Variants in GALNTL6 observed in about 807,000 individuals in gnomAD.
GALNTL6 encodes polypeptide N-acetylgalactosaminyltransferase like 6.
Under a neutral mutation model 73.7 loss-of-function variants are expected in GALNTL6, and 46 were observed. The observed-to-expected ratio is 0.62, with a 90% CI of 0.49 to 0.80. The LOEUF is 0.80. Among genes scored for constraint, GALNTL6 ranks in the 30% least tolerant of loss-of-function variants. The pLI, the probability that GALNTL6 is intolerant of heterozygous loss-of-function variation, is 0.00. For synonymous variants in GALNTL6, 259 were observed against 263.7 expected (o/e 0.98, Z 0.17); for missense variants, 604 against 755.0 (o/e 0.80, Z 2.34).
At chr4:172,327,404 T>C (rs945659585) in intron 4 of GALNTL6, among the ~76,000 whole-genome samples, 2 of 152,142 alleles carry the variant, frequency 1.3e-5, no homozygotes, top group African/African-American at 4.8e-5. Flanking sequence ...TGTAGAGGTC[T>C]ATCAAATCCA....
chr4:172,131,789 G>C (rs187339029), intron 2 of GALNTL6, among the ~76,000 whole-genome samples: 75 of 151,664 alleles, frequency 4.9e-4, no homozygotes, highest in African/African-American at 1.8e-3. Flanking sequence ...CTTCTCCAGG[G>C]CACTGACTTA....
chr4:172,180,962 G>T (rs1160062060), intron 2 of GALNTL6, among the ~76,000 whole-genome samples: 1 of 152,140 alleles, frequency 6.6e-6, no homozygotes, highest in Non-Finnish European at 1.5e-5. Flanking sequence ...GGTTCCGTTA[G>T]AAATTTAAAG....
chr4:172,057,676 A>C (rs971346322), intron 2 of GALNTL6, among the ~76,000 whole-genome samples: 7 of 140,456 alleles, frequency 5.0e-5, no homozygotes, highest in African/African-American at 8.1e-5. Context: ...ACTGAACTCC[A>C]GCCTGGGTGA....
In GALNTL6 at chr4:171,917,698, C is replaced by T. The variant is rs1366039370; in HGVS notation, c.138+102980C>T. 2.0e-5 allele frequency among the ~76,000 whole-genome samples: 3 copies of T among 152,188 alleles called. No individual in the cohort carries two copies. The East Asian group carries it at 5.8e-4, about 29-fold the overall frequency. ...GGGAGTCCCAAAACGATTTCTGGGG[C>T]TTTCATATTTCTAAGTTTACTAGCA... On this transcript the variant is annotated intron_variant, in intron 2 of 12. Coordinates refer to ENST00000506823, the MANE Select transcript of GALNTL6 (RefSeq NM_001034845.3).
intron 5 of GALNTL6, among the ~76,000 whole-genome samples, chr4:172,387,106 C>A (rs577877352): frequency 6.6e-6 from 1 of 152,236 alleles, no homozygotes; most frequent in African/African-American, 2.4e-5. Flanking sequence ...GGGCCCCACC[C>A]TCATAATTTT....
intron 7 of GALNTL6, among the ~76,000 whole-genome samples, chr4:172,859,476 A>T (rs1744284790): frequency 6.6e-6 from 1 of 152,164 alleles, no homozygotes; most frequent in Non-Finnish European, 1.5e-5. Flanking sequence ...GAATATATTG[A>T]TTTATCATCC....
intron 2 of GALNTL6, among the ~76,000 whole-genome samples, chr4:171,889,455 C>A (rs1309250445): frequency 6.6e-6 from 1 of 151,848 alleles, no homozygotes; most frequent in Non-Finnish European, 1.5e-5. Context: ...TAGCAAAGAA[C>A]CTGAAAGGTT....
chr4:171,959,672 G>C (rs77599232), intron 2 of GALNTL6, among the ~76,000 whole-genome samples: 4,116 of 152,230 alleles, frequency 0.027, 77 homozygotes, highest in Non-Finnish European at 0.04. Flanking sequence ...GCAACACAGG[G>C]AGACCCTATG....
rs70941399 is a variant in GALNTL6 at position 172,308,003 on chromosome 4, C to CTTTTTTTT, written c.248-3588_248-3581dup. Among the ~76,000 whole-genome samples the CTTTTTTTT allele has an allele frequency of 1.8e-3, 63 of 34,586 alleles. 8 individuals are homozygous for CTTTTTTTT. The highest frequency in any genetic ancestry group is 2.8e-3 in the East Asian group (2 of 720). The allele number at this position is 34,586 out of a possible 152,430, so 22.7% of individuals were successfully genotyped here. ...TCCATGAGCATGGGATGTGTTTTAA[C>CTTTTTTTT]TTTTTTTTTTTTTTTTTTTTTTTTT... On this transcript the variant is annotated intron_variant, in intron 3 of 12. Transcript: ENST00000506823.
chr4:172,795,177 G>A (rs1740196842), intron 5 of GALNTL6, among the ~76,000 whole-genome samples: 1 of 152,158 alleles, frequency 6.6e-6, no homozygotes. Flanking sequence ...TTTATCTGAA[G>A]ATGGAATGTC....
At chr4:172,389,932 C>G (rs1995750) in intron 5 of GALNTL6, among the ~76,000 whole-genome samples, 150,821 of 152,214 alleles carry the variant, frequency 0.99, 74,741 homozygotes, top group Middle Eastern at 1. Flanking sequence ...AAAAATGATA[C>G]CTTTATGTTC....
At chr4:172,528,989 G>GTATATATATATATATTTATACATA (rs772954347) in intron 5 of GALNTL6, among the ~76,000 whole-genome samples, 1 of 51,778 alleles carries the variant, frequency 1.9e-5, no homozygotes, top group Non-Finnish European at 4.6e-5. Flanking sequence ...ATACATATGT[G>GTATATATATATATATTTATACATA]TGTATATATA....
At chr4:172,409,006 T>G (rs163075) in intron 5 of GALNTL6, among the ~76,000 whole-genome samples, 6,078 of 152,144 alleles carry the variant, frequency 0.04, 395 homozygotes, top group African/African-American at 0.14. Context: ...TAAGCCTTTT[T>G]AATTTAAAAG....
chr4:171,922,887 G>A (rs1277766601), intron 2 of GALNTL6, among the ~76,000 whole-genome samples: 4 of 151,806 alleles, frequency 2.6e-5, no homozygotes, highest in Non-Finnish European at 2.9e-5. Context: ...TTATCAAGAC[G>A]AATGATGAAA....
chr4:172,553,429 G>T (rs1402829224), intron 5 of GALNTL6, among the ~76,000 whole-genome samples: 1 of 152,046 alleles, frequency 6.6e-6, no homozygotes, highest in East Asian at 1.9e-4. Context: ...TAATCCAGCT[G>T]CCAGTTGTTC....
chr4:172,470,207 C>T (rs1732996122), intron 5 of GALNTL6, among the ~76,000 whole-genome samples: 1 of 152,140 alleles, frequency 6.6e-6, no homozygotes, highest in African/African-American at 2.4e-5. Context: ...CCTTGTAACC[C>T]TATGAGAGAG....
chr4:172,969,260 A>G (rs1211541271), intron 10 of GALNTL6, among the ~76,000 whole-genome samples: 1 of 152,146 alleles, frequency 6.6e-6, no homozygotes, highest in Non-Finnish European at 1.5e-5. Flanking sequence ...GCACAGTAAG[A>G]GAAACTGAGG....
intron 2 of GALNTL6, among the ~76,000 whole-genome samples, chr4:171,855,806 T>C (rs1414209902): frequency 2.0e-5 from 3 of 152,142 alleles, no homozygotes; most frequent in Non-Finnish European, 4.4e-5. Context: ...GCCAATTTAA[T>C]AGGTAGGTAG....
intron 2 of GALNTL6, among the ~76,000 whole-genome samples, chr4:171,951,321 A>T (rs1738869908): frequency 6.6e-6 from 1 of 152,072 alleles, no homozygotes; most frequent in Non-Finnish European, 1.5e-5. Flanking sequence ...ACAAGCTAGA[A>T]ATATGTAAGT....
Sources: allele counts gnomAD v4.1 joint callset (sites outside exome capture counted in the v4.1 genomes callset), GRCh38; gene constraint gnomAD v4.1.1; transcripts MANE v1.5; gene names NCBI Gene and HGNC (gene_info 2026-07-23, HGNC 2026-07-21).